The following FAM124A variants were observed in gnomAD, a reference collection of about 807,000 sequenced individuals.
FAM124A encodes family with sequence similarity 124 member A.
In FAM124A, 23 loss-of-function variants were observed where a neutral mutation model predicts 24.5. That is an observed-to-expected ratio of 0.94 (90% CI 0.68 to 1.33). FAM124A has a LOEUF of 1.33. FAM124A is among the 40% of genes most tolerant of loss of function. The pLI, the probability that FAM124A is intolerant of heterozygous loss-of-function variation, is 0.00. For missense variants in FAM124A, 623 were observed against 722.8 expected, an observed-to-expected ratio of 0.86 and a Z score of 1.58; for synonymous variants, 287 against 314.7, an observed-to-expected ratio of 0.91 and a Z score of 0.93.
intron 2 of FAM124A, among the ~76,000 whole-genome samples, chr13:51,232,761 GTT>G (rs1954392038): frequency 1.3e-5 from 2 of 152,236 alleles, no homozygotes; most frequent in South Asian, 4.1e-4. Context: ...ATTCCACTCA[GTT>G]TTGCCCAGAG....
chr13:51,255,762 C>T (rs2137684669), intron 3 of FAM124A, among the ~76,000 whole-genome samples: 1 of 152,242 alleles, frequency 6.6e-6, no homozygotes, highest in East Asian at 1.9e-4. Flanking sequence ...AGATGTAGTT[C>T]AGAAAAGCTG....
At chr13:51,243,698 T>G (rs188925411) in intron 2 of FAM124A, among the ~76,000 whole-genome samples, 159 of 152,206 alleles carry the variant, frequency 1.0e-3, no homozygotes, top group African/African-American at 3.6e-3. Context: ...CACACCCGGC[T>G]AATTTTTTTG....
intron 2 of FAM124A, among the ~76,000 whole-genome samples, chr13:51,242,611 C>T (rs1240252997): frequency 2.0e-5 from 3 of 152,248 alleles, no homozygotes; most frequent in Admixed American, 6.5e-5. Context: ...CCGGCTTTTG[C>T]TCCCCCTCCT....
intron 3 of FAM124A, among the ~76,000 whole-genome samples, chr13:51,270,430 A>T (rs533141781): frequency 5.3e-4 from 81 of 152,056 alleles, no homozygotes; most frequent in African/African-American, 1.6e-3. Flanking sequence ...ATTTTTTTTT[A>T]AATTTATAAT....
Position 51,280,551 on chromosome 13 carries a change from C to T in FAM124A, c.936C>T (p.Ser312=), listed in dbSNP as rs1199610135. 1 of 1,614,082 alleles carries T rather than the reference C, an allele frequency of 6.2e-7. No individual in the cohort carries two copies. Among genetic ancestry groups the T allele is most frequent in the Admixed American group, 1.7e-5 (1 of 60,028 alleles). The change falls in exon 4 of 4, where the codon AGC becomes AGT. Residue 312 remains serine, a synonymous_variant. Coordinates refer to ENST00000322475, the MANE Select transcript of FAM124A (RefSeq NM_001242312.2). ...CTTTGCCGAGCACTGCTGTACCAAG[C>T]CATACACCTGGCAGCAGCCAGCAGT... ...STPLPSTAVP[S]HTPGSSQQSP...
intron 3 of FAM124A, among the ~76,000 whole-genome samples, chr13:51,259,049 A>T (rs192379049): frequency 6.6e-6 from 1 of 152,256 alleles, no homozygotes; most frequent in Non-Finnish European, 1.5e-5. Context: ...CTGGTGAGAC[A>T]CTAACTCAGG....
At chr13:51,271,262 A>G (rs1322675027) in intron 3 of FAM124A, among the ~76,000 whole-genome samples, 1 of 152,208 alleles carries the variant, frequency 6.6e-6, no homozygotes, top group Non-Finnish European at 1.5e-5. Flanking sequence ...TATACAGGGC[A>G]CAGTTTTTCT....
rs76848740 is a variant in FAM124A at position 51,230,315 on chromosome 13, T to A, written c.69-1033T>A. Among the ~76,000 whole-genome samples the A allele has an allele frequency of 6.4e-3, 971 of 152,326 alleles. 9 individuals carry two copies. The highest frequency in any genetic ancestry group is 0.02 in the African/African-American group (840 of 41,562). On this transcript the variant is annotated intron_variant, in intron 1 of 3. Transcript: ENST00000322475. Reference sequence around the variant, plus strand: ...AGAGGCATGCTGCTTATGATTTTTTTAAAAAGTTTTGCATGTACTTTTTTA... The same window carrying A: ...AGAGGCATGCTGCTTATGATTTTTTAAAAAAGTTTTGCATGTACTTTTTTA...
intron 2 of FAM124A, among the ~76,000 whole-genome samples, chr13:51,237,315 T>G (rs1157164798): frequency 6.6e-6 from 1 of 152,228 alleles, no homozygotes; most frequent in Non-Finnish European, 1.5e-5. Flanking sequence ...GATGATGTAC[T>G]TATTTCCAAG....
intron 3 of FAM124A, among the ~76,000 whole-genome samples, chr13:51,255,382 ACTAGACACATGTGG>A (rs2137683948): frequency 6.6e-6 from 1 of 152,306 alleles, no homozygotes; most frequent in Non-Finnish European, 1.5e-5. Context: ...CCTCACTGGC[ACTAGACACATGTGG>A]CTAGTGGCTA....
At chr13:51,261,732 G>A (rs990666863) in intron 3 of FAM124A, among the ~76,000 whole-genome samples, 2 of 152,226 alleles carry the variant, frequency 1.3e-5, no homozygotes, top group East Asian at 1.9e-4. Context: ...TGGGAGATCT[G>A]GAAGAAAGTG....
chr13:51,251,688 G>C lies in FAM124A; in HGVS notation c.321G>C (p.Leu107=). The C allele has an allele frequency of 5.7e-6, 9 of 1,589,910 alleles. No homozygotes were observed. The highest frequency in any genetic ancestry group is 7.7e-6 in the Non-Finnish European group (9 of 1,168,972). The change falls in exon 3 of 4, where the codon CTG becomes CTC. Residue 107 remains leucine (L), a synonymous_variant. Coordinates refer to ENST00000322475, the MANE Select transcript of FAM124A (RefSeq NM_001242312.2). This position sits in a 1 kb window ranked among gnomAD's most constrained non-coding sequence, Gnocchi z 5.3. ...AQPALAVVLF[L]QEEYGEEQIL... ...CAGCGCTGGCTGTGGTGCTGTTCCTGCAGGAGGAGTACGGCGAAGAGCAGA... is the reference window on the plus strand; with the variant it reads ...CAGCGCTGGCTGTGGTGCTGTTCCTCCAGGAGGAGTACGGCGAAGAGCAGA...
At chr13:51,279,765 G>A (rs1189404410) in intron 3 of FAM124A, among the ~76,000 whole-genome samples, 4 of 152,212 alleles carry the variant, frequency 2.6e-5, no homozygotes, top group African/African-American at 9.6e-5. Flanking sequence ...GCAGGCGGCA[G>A]CTCCCTTTCC....
At chr13:51,243,760 T>C (rs749053414) in intron 2 of FAM124A, among the ~76,000 whole-genome samples, 1 of 152,120 alleles carries the variant, frequency 6.6e-6, no homozygotes, top group Non-Finnish European at 1.5e-5. Flanking sequence ...GGTCTTGAAC[T>C]CCTAACCTCA....
At chr13:51,262,647 C>T (rs907336856) in intron 3 of FAM124A, among the ~76,000 whole-genome samples, 4 of 152,178 alleles carry the variant, frequency 2.6e-5, no homozygotes, top group East Asian at 1.9e-4. Flanking sequence ...TCAAACATTA[C>T]GTTCACTTTA....
chr13:51,281,533 A>G lies in FAM124A; in HGVS notation c.*277A>G, dbSNP rs969472959. 6 of 314,014 alleles carry G rather than the reference A, an allele frequency of 1.9e-5. No individual in the cohort carries two copies. The highest frequency in any genetic ancestry group is 8.5e-4 in the Middle Eastern group (1 of 1,176). The allele number at this position is 314,014 out of a possible 1,614,324, so 19.5% of individuals were successfully genotyped here. A position where few individuals can be genotyped will look rare whatever the true frequency, so the allele number is the denominator to read the frequency against. ...ATTTGAGGTATGGTTTAGTGGGTTTATACAATTTAAATGGCTTATATAATT... is the reference window on the plus strand; with the variant it reads ...ATTTGAGGTATGGTTTAGTGGGTTTGTACAATTTAAATGGCTTATATAATT... On this transcript the variant is annotated 3_prime_UTR_variant, in exon 4 of 4. Coordinates refer to ENST00000322475, the MANE Select transcript of FAM124A (RefSeq NM_001242312.2).
At position 51,272,594 on chromosome 13, in the gene FAM124A, C is replaced by CACACACACACACACACACACACA; in HGVS notation, c.835-7856_835-7855insACACACACACACACACACACACA. On this transcript the variant is annotated intron_variant, in intron 3 of 3. Coordinates refer to ENST00000322475, the MANE Select transcript of FAM124A (RefSeq NM_001242312.2). The surrounding 1 kb of genome is among the most constrained non-coding windows in gnomAD (Gnocchi z 4.2). ...ACACACACACACACACACACACACA[C>CACACACACACACACACACACACA]CAGTTGAACCACCAGATCAGCTACC... 6.7e-6 allele frequency among the ~76,000 whole-genome samples: 1 copy of CACACACACACACACACACACACA among 149,272 alleles called. No homozygotes were observed. The highest frequency in any genetic ancestry group is 2.1e-4 in the South Asian group (1 of 4,692).
rs142882436 is a variant in FAM124A, at chr13:51,231,718, C to G, written c.100+339C>G. On this transcript the variant is annotated intron_variant, in intron 2 of 3. Coordinates refer to ENST00000322475, the MANE Select transcript of FAM124A (RefSeq NM_001242312.2). ...TCAGGCAAACAGAAAGCTCAGAGCA[C>G]AATTCCTGGATCCCTGCAGTTGCTC... Among the ~76,000 whole-genome samples the G allele has an allele frequency of 3.0e-3, 456 of 152,318 alleles. 1 individual carries two copies. Among genetic ancestry groups the G allele is most frequent in the Middle Eastern group, 0.014 (4 of 294 alleles).
chr13:51,244,881 G>A (rs915297783), intron 2 of FAM124A, among the ~76,000 whole-genome samples: 1 of 152,202 alleles, frequency 6.6e-6, no homozygotes, highest in Non-Finnish European at 1.5e-5. Context: ...CCTAAGGTGG[G>A]TGAAGGAGCT....
Sources: allele counts gnomAD v4.1 joint callset (sites outside exome capture counted in the v4.1 genomes callset), GRCh38; gene constraint gnomAD v4.1.1; non-coding constraint Gnocchi (gnomAD v3.1); transcripts MANE v1.5; gene names NCBI Gene and HGNC (gene_info 2026-07-23, HGNC 2026-07-21).